Variants in PPP1R1C observed in about 807,000 individuals in gnomAD.
PPP1R1C encodes the protein protein phosphatase 1 regulatory inhibitor subunit 1C, also known as protein phosphatase 1 regulatory subunit 1C.
A neutral mutation model predicts 17.4 loss-of-function variants in PPP1R1C; 15 were observed. The ratio of observed to expected loss-of-function variants is 0.86; its 90% CI spans 0.58 to 1.33. The LOEUF is 1.33. Among genes scored for constraint, PPP1R1C ranks in the 40% most tolerant of loss-of-function variants. PPP1R1C has a pLI of 0.00. For synonymous variants in PPP1R1C, 35 were observed against 43.1 expected (o/e 0.81, Z 0.73); for missense variants, 143 against 130.0 (o/e 1.10, Z -0.48).
chr2:182,092,484 T>C (rs1456486499), intron 4 of PPP1R1C, among the ~76,000 whole-genome samples: 2 of 152,120 alleles, frequency 1.3e-5, no homozygotes, highest in East Asian at 1.9e-4. Context: ...CATCATGCCT[T>C]CCCAACAGTC....
chr2:181,957,096 A>G lies in PPP1R1C; in HGVS notation n.111+2462A>G, dbSNP rs534538720. Among the ~76,000 whole-genome samples, 9 of 152,268 alleles carry G rather than the reference A, an allele frequency of 5.9e-5. No individual in the cohort carries two copies. The highest frequency in any genetic ancestry group is 2.2e-4 in the African/African-American group (9 of 41,568). ...TAACTCAGGCCAGGTGCAGTGGTTCACGCCTGTAATCTCACCACTTTGGGA... is the reference window on the plus strand; with the variant it reads ...TAACTCAGGCCAGGTGCAGTGGTTCGCGCCTGTAATCTCACCACTTTGGGA... On this transcript the variant is annotated intron_variant and non_coding_transcript_variant, in intron 1 of 5. Transcript: ENST00000464264. This position sits in a 1 kb window ranked among gnomAD's most constrained non-coding sequence, Gnocchi z 4.2.
rs1473173348 is a variant in PPP1R1C at position 181,987,541 on chromosome 2, A to G, written c.82-298A>G. ...GCAAGCCACTAACATTATCAGGTCA[A>G]CCCTGTACCTTCATTGTAAATTAAT... On this transcript the variant is annotated intron_variant, in intron 1 of 4. Coordinates refer to ENST00000682840, the MANE Select transcript of PPP1R1C (RefSeq NM_001080545.3). 2.6e-5 allele frequency among the ~76,000 whole-genome samples: 4 copies of G among 152,322 alleles called. No homozygotes were observed. The East Asian group carries it at 7.7e-4, about 29-fold the overall frequency.
chr2:181,965,797 G>GATAAATTTTATTCCATATAAAATTATA (rs1559039713), intron 1 of PPP1R1C, among the ~76,000 whole-genome samples: 1 of 152,128 alleles, frequency 6.6e-6, no homozygotes, highest in African/African-American at 2.4e-5. Flanking sequence ...ATCTTTGGTG[G>GATAAATTTTATTCCATATAAAATTATA]TTCCATATAA....
At chr2:182,103,748 T>C (rs1689168738) in intron 4 of PPP1R1C, 1 of 152,166 alleles carries the variant, frequency 6.6e-6, no homozygotes, top group African/African-American at 2.4e-5. Flanking sequence ...CAGAACAATC[T>C]CCTCATTCAA....
chr2:182,128,751 T>C (rs1689937010), intron 5 of PPP1R1C, among the ~76,000 whole-genome samples: 1 of 152,138 alleles, frequency 6.6e-6, no homozygotes, highest in Non-Finnish European at 1.5e-5. Flanking sequence ...GACGATCAGT[T>C]TTTTTGCTTG....
chr2:182,093,014 G>A (rs1688829029), intron 4 of PPP1R1C, among the ~76,000 whole-genome samples: 1 of 152,176 alleles, frequency 6.6e-6, no homozygotes, highest in African/African-American at 2.4e-5. Flanking sequence ...CTTTGTGGGG[G>A]CTTTGACCCC....
intron 4 of PPP1R1C, among the ~76,000 whole-genome samples, chr2:182,088,109 G>A (rs987869292): frequency 6.6e-6 from 1 of 151,494 alleles, no homozygotes; most frequent in African/African-American, 2.4e-5. Context: ...GTTTCCCTCT[G>A]ACTTTTTATT....
At chr2:182,080,426 T>C (rs1688441284) in intron 4 of PPP1R1C, among the ~76,000 whole-genome samples, 1 of 152,240 alleles carries the variant, frequency 6.6e-6, no homozygotes. Context: ...AATCAACCTT[T>C]TGGTCCTGTA....
chr2:182,064,578 T>C (rs1371691309), intron 4 of PPP1R1C, among the ~76,000 whole-genome samples: 1 of 152,026 alleles, frequency 6.6e-6, no homozygotes, highest in African/African-American at 2.4e-5. Context: ...GAGGGCTAAA[T>C]TGGGAGTGAA....
Position 182,032,821 on chromosome 2 carries a change from C to T in PPP1R1C, c.143-28621C>T, listed in dbSNP as rs139538729. Among the ~76,000 whole-genome samples, 675 of 152,172 alleles carry T rather than the reference C, an allele frequency of 4.4e-3. 2 individuals are homozygous for T. The highest frequency in any genetic ancestry group is 7.1e-3 in the Non-Finnish European group (482 of 67,990). ...AATAATGCCCAACATACTAAGTGCT[C>T]GATAAATATTAATGCTTTCTCCTTA... On this transcript the variant is annotated intron_variant, in intron 2 of 4. Transcript: ENST00000682840.
In PPP1R1C at chr2:181,996,212, T is replaced by C. The variant is rs1458797485; in HGVS notation, c.142+8313T>C. 3.3e-5 allele frequency among the ~76,000 whole-genome samples: 5 copies of C among 152,174 alleles called. No individual in the cohort carries two copies. The East Asian group carries it at 9.6e-4, about 29-fold the overall frequency. On this transcript the variant is annotated intron_variant, in intron 2 of 4. Transcript: ENST00000682840. ...TTCTAAAACACAAGTACTCTGAAGA[T>C]ATAACACGTTGTCCTTGACACCTTA...
intron 2 of PPP1R1C, among the ~76,000 whole-genome samples, chr2:182,044,572 G>GA (rs1559069883): frequency 6.6e-6 from 1 of 152,020 alleles, no homozygotes; most frequent in African/African-American, 2.4e-5. Flanking sequence ...TTCCTTTAAG[G>GA]AAAAAAATGA....
At chr2:182,078,932 A>G (rs1688393776) in intron 4 of PPP1R1C, among the ~76,000 whole-genome samples, 1 of 152,252 alleles carries the variant, frequency 6.6e-6, no homozygotes, top group Admixed American at 6.5e-5. Context: ...AAACATTCTG[A>G]AAGTATGGCC....
chr2:182,065,967 A>G (rs150667221), intron 4 of PPP1R1C, among the ~76,000 whole-genome samples: 99 of 152,246 alleles, frequency 6.5e-4, no homozygotes, highest in African/African-American at 2.2e-3. Context: ...CTTTGCCTGT[A>G]TCATTCTAGA....
At chr2:182,121,079 A>C (rs916711427), downstream of PPP1R1C, among the ~76,000 whole-genome samples, 4 of 152,200 alleles carry the variant, frequency 2.6e-5, no homozygotes, top group Admixed American at 2.0e-4. Flanking sequence ...TTTTTCTAGA[A>C]GCCAACTTGG....
At chr2:182,104,002 G>C (rs556417740) in intron 4 of PPP1R1C, among the ~76,000 whole-genome samples, 22 of 152,286 alleles carry the variant, frequency 1.4e-4, no homozygotes, top group African/African-American at 5.3e-4. Context: ...CCATGGACCC[G>C]ATGGGATTAA....
chr2:182,115,751 G>C (rs970139001), intron 4 of PPP1R1C, among the ~76,000 whole-genome samples: 8 of 152,078 alleles, frequency 5.3e-5, no homozygotes, highest in Non-Finnish European at 8.8e-5. Flanking sequence ...AAATATTTTT[G>C]CAATCCATGA....
At chr2:181,973,645 T>C (rs2125134547) in intron 1 of PPP1R1C, among the ~76,000 whole-genome samples, 1 of 152,302 alleles carries the variant, frequency 6.6e-6, no homozygotes, top group East Asian at 1.9e-4. Context: ...TTGTTGAAGA[T>C]TAAAGGCAGA....
At chr2:182,118,971 G>A (rs1199826546), downstream of PPP1R1C, among the ~76,000 whole-genome samples, 1 of 151,372 alleles carries the variant, frequency 6.6e-6, no homozygotes, top group Non-Finnish European at 1.5e-5. Context: ...TGTTACATAT[G>A]TATACATGTG....
Sources: gnomAD v4.1 joint callset for allele counts (sites outside exome capture counted in the v4.1 genomes callset) on GRCh38, gnomAD v4.1.1 for gene constraint, Gnocchi (gnomAD v3.1) non-coding constraint, MANE v1.5 for transcripts, NCBI Gene and HGNC (gene_info 2026-07-23, HGNC 2026-07-21) for gene names.